Variants in PKNOX2 observed in about 807,000 individuals in gnomAD.
PKNOX2 encodes the protein PBX/knotted 1 homeobox 2.
Under a neutral mutation model 53.1 loss-of-function variants are expected in PKNOX2, and 14 were observed. The ratio of observed to expected loss-of-function variants is 0.26; its 90% CI spans 0.17 to 0.41. The LOEUF (loss-of-function observed/expected upper bound fraction) is 0.41, where lower values mean the gene tolerates loss of function less well. PKNOX2 is among the 10% of genes least tolerant of loss of function. PKNOX2 has a pLI of 1.00. For synonymous variants in PKNOX2, 257 were observed against 242.8 expected (o/e 1.06, Z -0.54); for missense variants, 496 against 602.8 (o/e 0.82, Z 1.85).
At chr11:125,275,898 G>GAGACCT (rs1232882657) in intron 2 of PKNOX2, among the ~76,000 whole-genome samples, 1 of 152,176 alleles carries the variant, frequency 6.6e-6, no homozygotes, top group Non-Finnish European at 1.5e-5. Context: ...ACCTGCATGT[G>GAGACCT]TAAGAAGGTC....
chr11:125,404,526 C>G (rs749102549), intron 7 of PKNOX2, among the ~76,000 whole-genome samples: 1 of 152,130 alleles, frequency 6.6e-6, no homozygotes, highest in Non-Finnish European at 1.5e-5. Context: ...TCTGCCAGAA[C>G]GGAGGGATGC....
chr11:125,351,159 C>T, intron 3 of PKNOX2, 125 bp from the exon 4 acceptor site: 2 of 700,506 alleles, frequency 2.9e-6, no homozygotes. Context: ...CCCTGAAGGG[C>T]GTGCAACCCT....
At chr11:125,304,763 T>A (rs1293722851) in intron 2 of PKNOX2, among the ~76,000 whole-genome samples, 1 of 152,222 alleles carries the variant, frequency 6.6e-6, no homozygotes, top group African/African-American at 2.4e-5. Context: ...CTAGACACTC[T>A]TGGGCATTCA....
intron 5 of PKNOX2, 88 bp from the exon 6 acceptor site, chr11:125,385,463 G>T (rs1016754830): frequency 7.0e-7 from 1 of 1,421,678 alleles, no homozygotes. Flanking sequence ...TGAGGGGAAC[G>T]TGGGCAGGGG....
intron 1 of PKNOX2, among the ~76,000 whole-genome samples, chr11:125,180,688 A>G (rs1956107636): frequency 6.6e-6 from 1 of 152,142 alleles, no homozygotes; most frequent in Non-Finnish European, 1.5e-5. Context: ...CTGGGGAAAA[A>G]GGGGGTTTGC....
In PKNOX2 at chr11:125,298,495, C is replaced by G. The variant is rs113496736; in HGVS notation, c.-129-33324C>G. ...AAAACTGGACTGAGCTCCAAAGCAA[C>G]AGCCCTGACTCTGGGGTGGGTGAAG... On this transcript the variant is annotated intron_variant, in intron 2 of 12. Coordinates refer to ENST00000298282, the MANE Select transcript of PKNOX2 (RefSeq NM_001382323.2). 1.5e-3 allele frequency among the ~76,000 whole-genome samples: 227 copies of G among 152,306 alleles called. 2 individuals carry two copies. Among genetic ancestry groups the G allele is most frequent in the African/African-American group, 5.2e-3 (216 of 41,574 alleles).
chr11:125,169,589 T>C lies in PKNOX2; in HGVS notation c.-201+4813T>C, dbSNP rs192128416. 7.3e-3 allele frequency among the ~76,000 whole-genome samples: 1,110 copies of C among 152,280 alleles called. 16 individuals carry two copies. The highest frequency in any genetic ancestry group is 6.4e-3 in the Non-Finnish European group (433 of 68,012). ...AGGGCTGCATGACTCCAGTGGGTCATCTAGCTTCTGGGCCTTGGTTTCTTC... is the reference window on the plus strand; with the variant it reads ...AGGGCTGCATGACTCCAGTGGGTCACCTAGCTTCTGGGCCTTGGTTTCTTC... On this transcript the variant is annotated intron_variant, in intron 1 of 12. Transcript: ENST00000298282.
At chr11:125,282,160 T>A (rs538288100) in intron 2 of PKNOX2, among the ~76,000 whole-genome samples, 120 of 152,348 alleles carry the variant, frequency 7.9e-4, no homozygotes, top group Middle Eastern at 3.4e-3. Context: ...AAAGAAAAGC[T>A]GTCTGTCAGC....
In PKNOX2 at chr11:125,240,512, C is replaced by T. The variant is rs899735853; in HGVS notation, c.-130+5397C>T. On this transcript the variant is annotated intron_variant, in intron 2 of 12. Transcript: ENST00000298282. The surrounding 1 kb of genome is among the most constrained non-coding windows in gnomAD (Gnocchi z 4.3). ...GTGGAAAGGGAGAGAGACCCTTTCC[C>T]GCTGCAAGCAGGGCAAGAGGCTTTG... Among the ~76,000 whole-genome samples, 5 of 152,044 alleles carry T rather than the reference C, an allele frequency of 3.3e-5. No homozygotes were observed. Among genetic ancestry groups the T allele is most frequent in the Admixed American group, 6.6e-5 (1 of 15,260 alleles).
At chr11:125,418,727 G>A (rs909283369) in intron 10 of PKNOX2, among the ~76,000 whole-genome samples, 1 of 152,020 alleles carries the variant, frequency 6.6e-6, no homozygotes, top group African/African-American at 2.4e-5. Context: ...CTGTGTCTAT[G>A]GGTTCTGAAT....
chr11:125,205,449 CT>C (rs1195951475), intron 1 of PKNOX2, among the ~76,000 whole-genome samples: 1 of 152,212 alleles, frequency 6.6e-6, no homozygotes, highest in East Asian at 1.9e-4. Context: ...GGCAAAGATA[CT>C]TTTGGCATTT....
chr11:125,320,456 T>TGGGC (rs1030583592), intron 2 of PKNOX2, among the ~76,000 whole-genome samples: 5 of 151,606 alleles, frequency 3.3e-5, no homozygotes, highest in African/African-American at 1.2e-4. Flanking sequence ...AACAGGAGGG[T>TGGGC]GGGCAGCAGA....
intron 1 of PKNOX2, among the ~76,000 whole-genome samples, chr11:125,204,066 G>C (rs1210042149): frequency 6.6e-6 from 1 of 152,138 alleles, no homozygotes. Context: ...CAGGGAGAGA[G>C]GTTCGACCTA....
chr11:125,292,284 T>C (rs1443014480), intron 2 of PKNOX2, among the ~76,000 whole-genome samples: 2 of 152,226 alleles, frequency 1.3e-5, no homozygotes, highest in Non-Finnish European at 2.9e-5. Flanking sequence ...CAGAATCTAT[T>C]ATTGCTCTCT....
At chr11:125,200,324 C>T (rs971064789) in intron 1 of PKNOX2, among the ~76,000 whole-genome samples, 16 of 152,340 alleles carry the variant, frequency 1.1e-4, no homozygotes, top group African/African-American at 3.4e-4. Flanking sequence ...TTTCCTCCCC[C>T]TACACCTTAA....
intron 10 of PKNOX2, among the ~76,000 whole-genome samples, chr11:125,427,476 C>T (rs1956488322): frequency 6.6e-6 from 1 of 152,146 alleles, no homozygotes; most frequent in African/African-American, 2.4e-5. Flanking sequence ...GGCTGCTGAC[C>T]GCAGCCTTTT....
intron 7 of PKNOX2, among the ~76,000 whole-genome samples, chr11:125,406,079 T>C (rs535852109): frequency 6.6e-6 from 1 of 152,316 alleles, no homozygotes; most frequent in South Asian, 2.1e-4. Flanking sequence ...GGGGAGCAAC[T>C]CTGTGTCTAG....
chr11:125,214,445 A>G (rs1300101402), intron 1 of PKNOX2, among the ~76,000 whole-genome samples: 2 of 152,014 alleles, frequency 1.3e-5, no homozygotes, highest in African/African-American at 4.8e-5. Flanking sequence ...TCTTCTGGCT[A>G]AGAGTGACAG....
At chr11:125,200,872 G>A (rs537862382) in intron 1 of PKNOX2, among the ~76,000 whole-genome samples, 9 of 152,174 alleles carry the variant, frequency 5.9e-5, no homozygotes, top group Non-Finnish European at 1.3e-4. Flanking sequence ...GCTGTCTCTT[G>A]CTTCTTTTCC....
Sources: allele counts gnomAD v4.1 joint callset (sites outside exome capture counted in the v4.1 genomes callset), GRCh38; gene constraint gnomAD v4.1.1; non-coding constraint Gnocchi (gnomAD v3.1); transcripts MANE v1.5; gene names NCBI Gene and HGNC (gene_info 2026-07-23, HGNC 2026-07-21).